GALK2: variants seen among roughly 807,000 people sequenced by gnomAD.
The protein encoded by GALK2 is N-acetylgalactosamine kinase.
Under a neutral mutation model 52.4 loss-of-function variants are expected in GALK2, and 36 were observed. That is an observed-to-expected ratio of 0.69 (90% CI 0.53 to 0.91). The LOEUF (loss-of-function observed/expected upper bound fraction) is 0.91. Among genes scored for constraint, GALK2 ranks in the 40% least tolerant of loss-of-function variants. The probability of loss-of-function intolerance (pLI) is 0.00; values close to 1 mark genes in which losing one functional copy is unlikely to be tolerated. For synonymous variants in GALK2, 176 were observed against 199.1 expected (o/e 0.88, Z 0.98); for missense variants, 579 against 559.1 (o/e 1.04, Z -0.36).
intron 5 of GALK2, among the ~76,000 whole-genome samples, chr15:49,264,269 C>G (rs1036592662): frequency 1.3e-5 from 2 of 151,958 alleles, no homozygotes; most frequent in Admixed American, 6.6e-5. Context: ...TTGCTCATTT[C>G]TTTTTATTCT....
chr15:49,263,692 T>A (rs2092234713), intron 5 of GALK2, among the ~76,000 whole-genome samples: 1 of 130,586 alleles, frequency 7.7e-6, no homozygotes, highest in South Asian at 2.8e-4. Flanking sequence ...TGGCATGATT[T>A]TGCAGCGGCT....
intron 2 of GALK2, among the ~76,000 whole-genome samples, chr15:49,213,857 C>G (rs951548195): frequency 2.0e-5 from 3 of 152,068 alleles, no homozygotes; most frequent in Non-Finnish European, 2.9e-5. Flanking sequence ...GTGCCTCACG[C>G]CTGTAATCCC....
intron 1 of GALK2, chr15:49,170,697 T>C (rs1052981172): frequency 7.2e-6 from 2 of 277,550 alleles, no homozygotes; most frequent in Middle Eastern, 1.0e-3. Flanking sequence ...CTCCTCTCTT[T>C]GTCTCGCATG....
At chr15:49,366,055 T>C (rs1308670197) in intron 3 of GALK2, 1 of 817,990 alleles carries the variant, frequency 1.2e-6, no homozygotes, top group Non-Finnish European at 2.2e-6. Context: ...TTCCTTTTTT[T>C]TCCCTCATTT....
Position 49,197,395 on chromosome 15 carries a change from T to C in GALK2, c.54-3767T>C, listed in dbSNP as rs1427502072. 3.3e-5 allele frequency among the ~76,000 whole-genome samples: 5 copies of C among 152,282 alleles called. No individual in the cohort carries two copies. The East Asian group carries it at 9.6e-4, about 29-fold the overall frequency. On this transcript the variant is annotated intron_variant, in intron 1 of 9. Transcript: ENST00000560031. ...TTGATTTCAGTTCTGTCATATTATT[T>C]TATACAGGTTGAGTATCCCTTATCC...
At chr15:49,222,357 T>C (rs1167334437) in intron 3 of GALK2, among the ~76,000 whole-genome samples, 1 of 152,188 alleles carries the variant, frequency 6.6e-6, no homozygotes, top group Non-Finnish European at 1.5e-5. Context: ...ACAATTTAAC[T>C]TCCTCCATTT....
chr15:49,169,543 A>C (rs1181479117), upstream of GALK2, among the ~76,000 whole-genome samples: 1 of 152,296 alleles, frequency 6.6e-6, no homozygotes, highest in South Asian at 2.1e-4. Context: ...CAATAAATAC[A>C]TAAGCAAATA....
chr15:49,242,773 A>G (rs2091162068), intron 5 of GALK2, among the ~76,000 whole-genome samples: 1 of 152,228 alleles, frequency 6.6e-6, no homozygotes, highest in South Asian at 2.1e-4. Context: ...TGATGTGGCA[A>G]AAGATCTATG....
intron 3 of GALK2, among the ~76,000 whole-genome samples, chr15:49,361,215 A>T (rs1596531385): frequency 6.6e-6 from 1 of 152,296 alleles, no homozygotes; most frequent in East Asian, 1.9e-4. Flanking sequence ...AATTTAAAAA[A>T]CTTAAAAAAT....
At chr15:49,221,082 T>C (rs2089759072) in intron 3 of GALK2, among the ~76,000 whole-genome samples, 1 of 152,238 alleles carries the variant, frequency 6.6e-6, no homozygotes, top group Admixed American at 6.5e-5. Flanking sequence ...AGCTTTTTAG[T>C]TTAAAATAGT....
At chr15:49,159,366 A>G (rs2084566260) in intron 1 of GALK2, among the ~76,000 whole-genome samples, 1 of 152,178 alleles carries the variant, frequency 6.6e-6, no homozygotes, top group Non-Finnish European at 1.5e-5. Flanking sequence ...ACCTGAGGTC[A>G]GGAGTTTGAG....
intron 1 of GALK2, among the ~76,000 whole-genome samples, chr15:49,187,933 G>C (rs2086475326): frequency 6.6e-6 from 1 of 152,110 alleles, no homozygotes; most frequent in African/African-American, 2.4e-5. Context: ...CTGCATCACA[G>C]TAACCAGGCT....
chr15:49,328,189 T>C lies in GALK2; in HGVS notation c.*30T>C, dbSNP rs774828410. On this transcript the variant is annotated 3_prime_UTR_variant, in exon 10 of 10. Transcript: ENST00000560031. ...ATGTAAAAAGTCTGAGAGAAACTAC[T>C]TAGGGCACTTAGGAATTGGCAGGAC... is the stretch of plus-strand genomic sequence containing the variant. The C allele has an allele frequency of 2.5e-6, 4 of 1,583,096 alleles. No homozygotes were observed. Among genetic ancestry groups the C allele is most frequent in the South Asian group, 2.3e-5 (2 of 87,670 alleles).
intron 5 of GALK2, among the ~76,000 whole-genome samples, chr15:49,252,356 A>G (rs996753432): frequency 6.6e-6 from 1 of 152,140 alleles, no homozygotes; most frequent in African/African-American, 2.4e-5. Context: ...GAATCATTCC[A>G]TGTCAGCACA....
chr15:49,156,961 G>C (rs1326277881), intron 1 of GALK2: 2 of 332,390 alleles, frequency 6.0e-6, no homozygotes, highest in African/African-American at 4.4e-5. Flanking sequence ...CTCTCATTGT[G>C]AGAGCATCCT....
chr15:49,212,769 G>A (rs2089033222), intron 2 of GALK2, among the ~76,000 whole-genome samples: 1 of 152,018 alleles, frequency 6.6e-6, no homozygotes, highest in South Asian at 2.1e-4. Context: ...TGGTCATTCA[G>A]GAGCATATTT....
chr15:49,230,796 G>A, intron 3 of GALK2, among the ~76,000 whole-genome samples: 1 of 152,158 alleles, frequency 6.6e-6, no homozygotes. Context: ...ATGTAATAAT[G>A]GGTCATGTCT....
chr15:49,352,203 G>C (rs561315080), intron 3 of GALK2, among the ~76,000 whole-genome samples: 1 of 152,216 alleles, frequency 6.6e-6, no homozygotes. Context: ...CCAAAAGCAA[G>C]AGTGAAACAG....
rs754598196 is a variant in GALK2, at chr15:49,327,993, G to A, written c.1211G>A (p.Trp404Ter). The change falls in exon 10 of 10, where the codon TGG becomes TAG. Residue 404 changes from tryptophan to a stop codon, truncating the protein, a stop_gained. Transcript: ENST00000560031. LOFTEE classifies it high-confidence loss of function. Reference protein sequence around the residue: ...AQGSRLTGAGWGGCTVSMVPA... With the variant: ...AQGSRLTGAG ...GGGTCACGACTTACTGGAGCAGGAT[G>A]GGGAGGCTGCACAGTATCAATGGTA... 1 of 1,613,740 alleles carries A rather than the reference G, an allele frequency of 6.2e-7. No individual in the cohort carries two copies. Among genetic ancestry groups the A allele is most frequent in the African/African-American group, 1.3e-5 (1 of 74,894 alleles).
Sources: allele counts gnomAD v4.1 joint callset (sites outside exome capture counted in the v4.1 genomes callset), GRCh38; gene constraint gnomAD v4.1.1; transcripts MANE v1.5; gene names NCBI Gene and HGNC (gene_info 2026-07-23, HGNC 2026-07-21).